The following NNMT variants were observed in gnomAD, a reference collection of about 807,000 sequenced individuals.
The protein encoded by NNMT is nicotinamide N-methyltransferase.
NNMT carries 10 observed loss-of-function variants against 11.7 expected under a neutral mutation model. The ratio of observed to expected loss-of-function variants is 0.85; its 90% CI spans 0.53 to 1.45. NNMT has a LOEUF of 1.45. NNMT is among the 40% of genes most tolerant of loss of function. The pLI is 0.00. For synonymous variants in NNMT, 143 were observed against 133.8 expected, an observed-to-expected ratio of 1.07 and a Z score of -0.48; for missense variants, 381 against 319.4, an observed-to-expected ratio of 1.19 and a Z score of -1.47.
intron 2 of NNMT, among the ~76,000 whole-genome samples, chr11:114,263,898 G>A (rs1945101583): frequency 6.6e-6 from 1 of 152,168 alleles, no homozygotes; most frequent in Admixed American, 6.5e-5. Flanking sequence ...ACAGGCAGCA[G>A]CATGGCTCCC....
intron 1 of NNMT, among the ~76,000 whole-genome samples, chr11:114,261,760 A>T (rs768504808): frequency 2.0e-5 from 3 of 152,132 alleles, no homozygotes; most frequent in Non-Finnish European, 4.4e-5. Flanking sequence ...CCTTTCCAGA[A>T]GTCTTCCTAA....
chr11:114,263,972 T>C (rs938749003), intron 2 of NNMT, among the ~76,000 whole-genome samples: 1 of 152,120 alleles, frequency 6.6e-6, no homozygotes, highest in Admixed American at 6.5e-5. Flanking sequence ...CTTTAATCCC[T>C]GCCACTGACA....
chr11:114,298,067 C>A lies in NNMT; in HGVS notation c.271C>A (p.Leu91Met), dbSNP rs775764487. ...CGTCACTGACTACTCAGACCAGAACCTGCAGGAGCTGGAGAAGTGGCTGAA... is the reference window on the plus strand; with the variant it reads ...CGTCACTGACTACTCAGACCAGAACATGCAGGAGCTGGAGAAGTGGCTGAA... Reference protein sequence around the residue: ...IVVTDYSDQNLQELEKWLKKE... With the variant: ...IVVTDYSDQNMQELEKWLKKE... Residue 91 changes from leucine (L) to methionine (M), a missense_variant, in exon 2 of 3, where the codon CTG becomes ATG. Transcript: ENST00000299964. The A allele has an allele frequency of 6.2e-7, 1 of 1,614,154 alleles. No homozygotes were observed. The highest frequency in any genetic ancestry group is 1.1e-5 in the South Asian group (1 of 91,080).
At chr11:114,262,932 A>G (rs1450367033) in exon 2 of NNMT, 1 of 152,310 alleles carries the variant, frequency 6.6e-6, no homozygotes, top group East Asian at 1.9e-4. Context: ...TCCAATGGAC[A>G]AGGTAAGGGA....
Position 114,312,321 on chromosome 11 carries a change from C to G in NNMT, c.639C>G (p.Ser213Arg), listed in dbSNP as rs914688977. ...YYMIGEQKFSSLPLGREAVEA... is the reference protein window; with the variant it reads ...YYMIGEQKFSRLPLGREAVEA... ...TGATTGGTGAGCAGAAGTTCTCCAGCCTCCCCCTGGGCCGGGAGGCAGTAG... is the reference window on the plus strand; with the variant it reads ...TGATTGGTGAGCAGAAGTTCTCCAGGCTCCCCCTGGGCCGGGAGGCAGTAG... The change falls in exon 3 of 3, where the codon AGC becomes AGG. Residue 213 changes from serine to arginine, a missense_variant. By Grantham distance (110) the Ser-to-Arg change is moderately radical. Coordinates refer to ENST00000299964, the MANE Select transcript of NNMT (RefSeq NM_006169.3). 4.0e-5 allele frequency: 65 copies of G among 1,614,110 alleles called. No individual in the cohort carries two copies. The highest frequency in any genetic ancestry group is 5.5e-5 in the Non-Finnish European group (65 of 1,180,040).
chr11:114,276,107 G>GCCCCCCCCCCCCCCCCCCCCCC (rs35929563), intron 2 of NNMT, among the ~76,000 whole-genome samples: 1 of 142,280 alleles, frequency 7.0e-6, no homozygotes, highest in Admixed American at 7.1e-5. Context: ...GTTTCAGGCT[G>GCCCCCCCCCCCCCCCCCCCCCC]CCCCCCCACC....
chr11:114,297,521 G>A (rs1467001874), intron 1 of NNMT: 1 of 133,998 alleles, frequency 7.5e-6, no homozygotes, highest in Non-Finnish European at 1.5e-5. Flanking sequence ...TCACTCTGTT[G>A]CCTAGGCTGG....
At chr11:114,281,071 T>C (rs932339201) in intron 2 of NNMT, among the ~76,000 whole-genome samples, 2 of 152,162 alleles carry the variant, frequency 1.3e-5, no homozygotes, top group Admixed American at 1.3e-4. Context: ...ACTAGGGACG[T>C]AGGCTAGCCC....
intron 2 of NNMT, among the ~76,000 whole-genome samples, chr11:114,287,387 G>GT (rs1190858260): frequency 6.6e-6 from 1 of 152,098 alleles, no homozygotes; most frequent in African/African-American, 2.4e-5. Context: ...TTCATATTTA[G>GT]TTTTTTAATC....
At chr11:114,271,613 C>G (rs1945170842) in intron 2 of NNMT, among the ~76,000 whole-genome samples, 1 of 152,164 alleles carries the variant, frequency 6.6e-6, no homozygotes, top group African/African-American at 2.4e-5. Context: ...AATGCAACTC[C>G]TCGTTTCTCA....
chr11:114,265,078 T>C (rs192073140), intron 2 of NNMT, among the ~76,000 whole-genome samples: 1 of 152,280 alleles, frequency 6.6e-6, no homozygotes, highest in Admixed American at 6.5e-5. Flanking sequence ...GGGTTGAAAG[T>C]CCCAACCCTC....
chr11:114,299,935 A>AT (rs1219941710), intron 2 of NNMT, among the ~76,000 whole-genome samples: 3 of 151,906 alleles, frequency 2.0e-5, no homozygotes, highest in African/African-American at 7.3e-5. Flanking sequence ...CAGATTGATC[A>AT]TTTTATTAAT....
At chr11:114,302,881 C>G (rs929830888) in intron 2 of NNMT, among the ~76,000 whole-genome samples, 5 of 152,122 alleles carry the variant, frequency 3.3e-5, no homozygotes, top group Non-Finnish European at 5.9e-5. Flanking sequence ...ATAGAGCTCT[C>G]TAGCTCTCCT....
intron 2 of NNMT, among the ~76,000 whole-genome samples, chr11:114,309,030 C>T (rs568008612): frequency 8.5e-5 from 13 of 152,286 alleles, no homozygotes; most frequent in Non-Finnish European, 1.5e-5. Flanking sequence ...CAATAGGGCA[C>T]GGAGGTTCGT....
Position 114,282,301 on chromosome 11 carries a change from T to C in NNMT, c.-129-14127T>C, listed in dbSNP as rs550574688. Among the ~76,000 whole-genome samples, 9 of 152,154 alleles carry C rather than the reference T, an allele frequency of 5.9e-5. No homozygotes were observed. The South Asian group carries it at 6.2e-4, about 11-fold the overall frequency. Reference sequence around the variant, plus strand: ...AAAAAATTAGATTCCTGCTTGATAATTAGATTCCTGCCAAAGTGATCAGGT... The same window carrying C: ...AAAAAATTAGATTCCTGCTTGATAACTAGATTCCTGCCAAAGTGATCAGGT... On this transcript the variant is annotated intron_variant, in intron 2 of 4. Coordinates refer to the NNMT transcript ENST00000535401.
chr11:114,297,856 C>T (rs1418754686), intron 1 of NNMT, 95 bp from the exon 2 acceptor site: 47 of 1,029,234 alleles, frequency 4.6e-5, no homozygotes, highest in South Asian at 1.7e-4. Context: ...CTTTGAGGAT[C>T]GCCAGCACAG....
intron 2 of NNMT, among the ~76,000 whole-genome samples, chr11:114,305,453 C>T (rs1945481716): frequency 6.6e-6 from 1 of 151,672 alleles, no homozygotes; most frequent in Admixed American, 6.6e-5. Context: ...CACCCATTAA[C>T]TCGTCATTTA....
chr11:114,260,114 C>T (rs1945065842), intron 1 of NNMT, among the ~76,000 whole-genome samples: 1 of 152,190 alleles, frequency 6.6e-6, no homozygotes, highest in Non-Finnish European at 1.5e-5. Flanking sequence ...CTATTCACAG[C>T]ACACTCAGAA....
At chr11:114,258,664 A>G (rs1945050076) in intron 1 of NNMT, among the ~76,000 whole-genome samples, 1 of 152,210 alleles carries the variant, frequency 6.6e-6, no homozygotes, top group East Asian at 1.9e-4. Flanking sequence ...GTCGCTCCCT[A>G]GATGAGAGTC....
Sources: allele counts gnomAD v4.1 joint callset (sites outside exome capture counted in the v4.1 genomes callset), GRCh38; gene constraint gnomAD v4.1.1; transcripts MANE v1.5; gene names NCBI Gene and HGNC (gene_info 2026-07-23, HGNC 2026-07-21).